The following SLC24A5 variants were observed in gnomAD, a reference collection of about 807,000 sequenced individuals.
SLC24A5 encodes solute carrier family 24 member 5, also known as sodium/potassium/calcium exchanger 5.
SLC24A5 carries 46 observed loss-of-function variants against 51.6 expected under a neutral mutation model. The ratio of observed to expected loss-of-function variants is 0.89; its 90% confidence interval spans 0.70 to 1.14. The LOEUF is 1.14. Ranked by LOEUF, SLC24A5 falls within the 50% of genes most tolerant of loss-of-function variation. The probability of loss-of-function intolerance (pLI) is 0.00; values close to 1 mark genes in which losing one functional copy is unlikely to be tolerated. For missense variants in SLC24A5, 581 were observed against 604.1 expected (o/e 0.96, Z 0.40); for synonymous variants, 230 against 214.9 (o/e 1.07, Z -0.62).
chr15:48,126,370 A>G (rs1007548589), intron 2 of SLC24A5, among the ~76,000 whole-genome samples: 1 of 152,150 alleles, frequency 6.6e-6, no homozygotes, highest in African/African-American at 2.4e-5. Flanking sequence ...ATTTGGTTCT[A>G]CAGGAAAAGA....
intron 2 of SLC24A5, among the ~76,000 whole-genome samples, chr15:48,126,056 G>T (rs551162776): frequency 5.9e-5 from 9 of 152,196 alleles, no homozygotes; most frequent in Non-Finnish European, 1.0e-4. Context: ...GCTCTGGCAG[G>T]GCCCCCGCTC....
At chr15:48,124,304 T>C (rs2140707138) in intron 2 of SLC24A5, 1 of 152,230 alleles carries the variant, frequency 6.6e-6, no homozygotes, top group Admixed American at 6.5e-5. Context: ...GATGTAATGT[T>C]CTTTTTTCCA....
intron 5 of SLC24A5, chr15:48,135,245 G>T: frequency 3.4e-6 from 1 of 292,718 alleles, no homozygotes; most frequent in South Asian, 6.1e-5. Flanking sequence ...CTCCCCACTG[G>T]CTGCCTATTC....
At chr15:48,121,714 C>A in intron 1 of SLC24A5, 143 bp from the exon 2 acceptor site, 1 of 830,960 alleles carries the variant, frequency 1.2e-6, no homozygotes, top group Non-Finnish European at 1.9e-6. Flanking sequence ...GTGTTATATT[C>A]AGAAGCGCTT....
Position 48,142,240 on chromosome 15 carries a change from CAG to C in SLC24A5, c.1394_1395del (p.Arg465LysfsTer21), listed in dbSNP as rs778847387. On this transcript the variant is annotated frameshift_variant, in exon 9 of 9. Coordinates refer to ENST00000341459, the MANE Select transcript of SLC24A5 (RefSeq NM_205850.3). LOFTEE classifies it high-confidence loss of function. Reference sequence around the variant, plus strand: ...TTCACTTCAATGGCTGGAAACTAGACAGAAAGTTGGGAATAGTCTGCCTATTA... The same window carrying C: ...TTCACTTCAATGGCTGGAAACTAGACAAAGTTGGGAATAGTCTGCCTATTA... ...AVHFNGWKLD[R>X]KLGIVCLLSY... 1 of 1,613,546 alleles carries C rather than the reference CAG, an allele frequency of 6.2e-7. No individual in the cohort carries two copies. The highest frequency in any genetic ancestry group is 1.3e-5 in the African/African-American group (1 of 74,958).
At chr15:48,129,000 T>C (rs1857915794) in intron 2 of SLC24A5, among the ~76,000 whole-genome samples, 1 of 152,048 alleles carries the variant, frequency 6.6e-6, no homozygotes, top group Non-Finnish European at 1.5e-5. Context: ...GAACAAAAAA[T>C]GAAGTAATTG....
chr15:48,120,992 T>C lies in SLC24A5; in HGVS notation c.-53T>C. 1.3e-6 allele frequency: 2 copies of C among 1,587,008 alleles called. No homozygotes were observed. The highest frequency in any genetic ancestry group is 1.7e-6 in the Non-Finnish European group (2 of 1,165,880). On this transcript the variant is annotated 5_prime_UTR_variant, in exon 1 of 9. Transcript: ENST00000341459. ...AGACTCCTCACATGATCCAGTTTAA[T>C]CCTCCTCTTCTCCCTTCCTGAAGCT...
In SLC24A5 at chr15:48,142,457, C is replaced by T. The variant is rs1466031359; in HGVS notation, c.*106C>T. On this transcript the variant is annotated 3_prime_UTR_variant, in exon 9 of 9. Transcript: ENST00000341459. Reference sequence around the variant, plus strand: ...TTTTAAAAATCTTGAACCTTAGAATCTAAAACTTACAGTAATTTAAAACCA... The same window carrying T: ...TTTTAAAAATCTTGAACCTTAGAATTTAAAACTTACAGTAATTTAAAACCA... 7.9e-6 allele frequency: 7 copies of T among 883,194 alleles called. No homozygotes were observed. In the East Asian group the frequency reaches 1.7e-4, roughly 21 times the overall value. 54.7% of individuals were successfully genotyped at this position (883,194 alleles called of 1,614,324 possible). A position where few individuals can be genotyped will look rare whatever the true frequency, so the allele number is the denominator to read the frequency against.
intron 2 of SLC24A5, among the ~76,000 whole-genome samples, chr15:48,132,324 T>A (rs1488141871): frequency 2.0e-5 from 3 of 152,094 alleles, no homozygotes; most frequent in Non-Finnish European, 4.4e-5. Flanking sequence ...TCTCTGACAT[T>A]TTTCTCTCTC....
chr15:48,139,026 T>G lies in SLC24A5; in HGVS notation c.929T>G (p.Leu310Ter). ...GACTTAAAAAGAATTTTTTGGGTAT[T>G]ATCCCTTCCTATTATTACATTACTT... ...EADLKRIFWV[L>*]SLPIITLLFL... The change falls in exon 7 of 9, where the codon TTA becomes TGA. Residue 310 changes from leucine to a stop codon, truncating the protein, a stop_gained. Transcript: ENST00000341459. LOFTEE classifies it high-confidence loss of function. 6.2e-7 allele frequency: 1 copy of G among 1,613,132 alleles called. No individual in the cohort carries two copies. Among genetic ancestry groups the G allele is most frequent in the South Asian group, 1.1e-5 (1 of 91,036 alleles).
At chr15:48,136,543 A>G (rs1470299589) in intron 5 of SLC24A5, 140 bp from the exon 6 acceptor site, 2 of 804,942 alleles carry the variant, frequency 2.5e-6, no homozygotes, top group Non-Finnish European at 3.7e-6. Flanking sequence ...ACAAATCTAC[A>G]AAACAAAAAA....
intron 6 of SLC24A5, 58 bp downstream of exon 6, chr15:48,137,021 T>C: frequency 1.3e-6 from 2 of 1,495,788 alleles, no homozygotes; most frequent in Non-Finnish European, 1.8e-6. Context: ...ACTTTAAAAT[T>C]TCATTTCAAT....
chr15:48,124,309 T>C (rs2038709736), intron 2 of SLC24A5: 1 of 152,098 alleles, frequency 6.6e-6, no homozygotes, highest in Non-Finnish European at 1.5e-5. Context: ...AATGTTCTTT[T>C]TTCCAACAGT....
chr15:48,141,053 C>G, intron 7 of SLC24A5, 60 bp from the exon 8 acceptor site: 4 of 1,357,122 alleles, frequency 2.9e-6, no homozygotes, highest in African/African-American at 1.5e-5. Flanking sequence ...TCCAAAATAA[C>G]TGCAAAGGAT....
rs988506414 is a variant in SLC24A5 at position 48,142,612 on chromosome 15, GAACA to G, written c.*268_*271del. 6.8e-6 allele frequency: 3 copies of G among 442,776 alleles called. No individual in the cohort carries two copies. The highest frequency in any genetic ancestry group is 4.1e-5 in the African/African-American group (2 of 49,364). The allele number at this position is 442,776 out of a possible 1,614,324, so 27.4% of individuals were successfully genotyped here. A position where few individuals can be genotyped will look rare whatever the true frequency, so the allele number is the denominator to read the frequency against. ...AAGTTGACAAAAACTGGAGAAACTA[GAACA>G]AACAAATCCAACTATGTAGTACTGA... is the stretch of plus-strand genomic sequence containing the variant. On this transcript the variant is annotated 3_prime_UTR_variant, in exon 9 of 9. Transcript: ENST00000341459.
rs1467186440 is a variant in SLC24A5, at chr15:48,142,028, G to C, written c.1181-1G>C. On this transcript the variant is annotated splice_acceptor_variant, in intron 8 of 8. Coordinates refer to ENST00000341459, the MANE Select transcript of SLC24A5 (RefSeq NM_205850.3). LOFTEE classifies it high-confidence loss of function. ...TTTAACAGTATGCTTTTCTTTTGTA[G>C]GGAAAGGAGATATGGCTATGTCTAA... 6.3e-7 allele frequency: 1 copy of C among 1,599,854 alleles called. No homozygotes were observed. The highest frequency in any genetic ancestry group is 8.5e-7 in the Non-Finnish European group (1 of 1,171,552).
rs2140780883 is a variant in SLC24A5, at chr15:48,142,023, T to C, written c.1181-6T>C. ...CACATTTTAACAGTATGCTTTTCTT[T>C]TGTAGGGAAAGGAGATATGGCTATG... On this transcript the variant is annotated splice_polypyrimidine_tract_variant and splice_region_variant and intron_variant, in intron 8 of 8. Coordinates refer to ENST00000341459, the MANE Select transcript of SLC24A5 (RefSeq NM_205850.3). 6.3e-7 allele frequency: 1 copy of C among 1,596,102 alleles called. No homozygotes were observed. The highest frequency in any genetic ancestry group is 8.6e-7 in the Non-Finnish European group (1 of 1,169,434).
chr15:48,126,149 C>G (rs553323550), intron 2 of SLC24A5, among the ~76,000 whole-genome samples: 9 of 152,274 alleles, frequency 5.9e-5, no homozygotes, highest in African/African-American at 1.9e-4. Context: ...AGGCTTCCAG[C>G]AAGGATTTTT....
At chr15:48,128,395 C>A (rs1004993324) in intron 2 of SLC24A5, among the ~76,000 whole-genome samples, 1 of 152,164 alleles carries the variant, frequency 6.6e-6, no homozygotes, top group African/African-American at 2.4e-5. Flanking sequence ...GGGAAATATA[C>A]TTAAATATTT....
Sources: allele counts gnomAD v4.1 joint callset (sites outside exome capture counted in the v4.1 genomes callset), GRCh38; gene constraint gnomAD v4.1.1; transcripts MANE v1.5; gene names NCBI Gene and HGNC (gene_info 2026-07-23, HGNC 2026-07-21).